Variants in LRRTM4 observed in about 807,000 individuals in gnomAD.
LRRTM4 encodes the protein leucine rich repeat transmembrane neuronal 4, also known as leucine-rich repeat transmembrane neuronal protein 4.
LRRTM4 carries 25 observed loss-of-function variants against 47.6 expected under a neutral mutation model. That is an observed-to-expected ratio of 0.53 (90% confidence interval 0.38 to 0.73). The LOEUF (loss-of-function observed/expected upper bound fraction) is 0.73, where lower values mean the gene tolerates loss of function less well. Ranked by LOEUF, LRRTM4 falls within the 30% of genes least tolerant of loss-of-function variation. The pLI is 0.00. For synonymous variants in LRRTM4, 311 were observed against 269.5 expected (o/e 1.15, Z -1.51); for missense variants, 638 against 713.4 (o/e 0.89, Z 1.20).
intron 3 of LRRTM4, among the ~76,000 whole-genome samples, chr2:77,084,243 G>A (rs1558570169): frequency 6.6e-6 from 1 of 152,180 alleles, no homozygotes; most frequent in Admixed American, 6.5e-5. Context: ...TCATCTTCAA[G>A]TAGTCTTAGA....
At chr2:77,171,836 T>C (rs1673057350) in intron 3 of LRRTM4, among the ~76,000 whole-genome samples, 1 of 152,094 alleles carries the variant, frequency 6.6e-6, no homozygotes, top group Admixed American at 6.6e-5. Flanking sequence ...TAGAATTATG[T>C]CAGCAAAACA....
intron 3 of LRRTM4, among the ~76,000 whole-genome samples, chr2:77,385,803 C>T (rs1300921458): frequency 2.2e-5 from 3 of 136,774 alleles, no homozygotes; most frequent in Non-Finnish European, 4.6e-5. Context: ...GCTGGAGTGC[C>T]GTGGCACGAT....
chr2:77,455,212 A>T (rs1375601066), intron 3 of LRRTM4, among the ~76,000 whole-genome samples: 1 of 152,186 alleles, frequency 6.6e-6, no homozygotes, highest in African/African-American at 2.4e-5. Context: ...TCCCATTTTT[A>T]AATGAAAGTG....
At chr2:77,148,386 C>T (rs1453318803) in intron 3 of LRRTM4, among the ~76,000 whole-genome samples, 1 of 152,110 alleles carries the variant, frequency 6.6e-6, no homozygotes, top group Non-Finnish European at 1.5e-5. Context: ...AACTGCTATA[C>T]TAAGAATGCG....
At chr2:77,260,820 A>G (rs527939419) in intron 3 of LRRTM4, among the ~76,000 whole-genome samples, 1 of 152,142 alleles carries the variant, frequency 6.6e-6, no homozygotes, top group African/African-American at 2.4e-5. Context: ...GAGCCTGATC[A>G]AAATGCAGTT....
rs1676664734 is a variant in LRRTM4, at chr2:76,982,980, T to C, written c.1552-234064A>G. ...AAGTTACAGATAAGTAAATTGAAGATCTGATAGTTATATGATTAATTCAAG... is the reference window on the plus strand; with the variant it reads ...AAGTTACAGATAAGTAAATTGAAGACCTGATAGTTATATGATTAATTCAAG... On this transcript the variant is annotated intron_variant, in intron 3 of 3. Transcript: ENST00000409884. 4.6e-5 allele frequency among the ~76,000 whole-genome samples: 7 copies of C among 152,066 alleles called. No individual in the cohort carries two copies. In the South Asian group the frequency reaches 1.5e-3, roughly 32 times the overall value.
At chr2:77,106,077 C>T (rs559899452) in intron 3 of LRRTM4, among the ~76,000 whole-genome samples, 1 of 152,258 alleles carries the variant, frequency 6.6e-6, no homozygotes, top group East Asian at 1.9e-4. Context: ...TTTTCTCCCA[C>T]TCTCAGCAGG....
At chr2:77,046,893 A>T (rs1679253524) in intron 3 of LRRTM4, among the ~76,000 whole-genome samples, 1 of 152,050 alleles carries the variant, frequency 6.6e-6, no homozygotes, top group Non-Finnish European at 1.5e-5. Context: ...CTTTGGCTGG[A>T]TAAAAGAAAG....
chr2:77,507,674 C>A (rs1678828374), intron 3 of LRRTM4, among the ~76,000 whole-genome samples: 2 of 151,398 alleles, frequency 1.3e-5, no homozygotes, highest in South Asian at 4.2e-4. Flanking sequence ...AGTTAGAATA[C>A]CACACGCCAC....
chr2:77,039,620 G>GA (rs1678957657), intron 3 of LRRTM4, among the ~76,000 whole-genome samples: 1 of 151,030 alleles, frequency 6.6e-6, no homozygotes, highest in Admixed American at 6.6e-5. Flanking sequence ...TTACAATGAT[G>GA]AAAAAAGTAT....
chr2:76,825,028 G>T (rs1469571949), intron 3 of LRRTM4, among the ~76,000 whole-genome samples: 2 of 151,298 alleles, frequency 1.3e-5, no homozygotes, highest in Non-Finnish European at 3.0e-5. Flanking sequence ...AATGTTCTGG[G>T]CAACTTTTTC....
intron 3 of LRRTM4, among the ~76,000 whole-genome samples, chr2:77,073,431 G>C (rs899878949): frequency 2.0e-5 from 3 of 151,820 alleles, no homozygotes; most frequent in African/African-American, 7.3e-5. Flanking sequence ...ATAGGATGAG[G>C]AATTATATAG....
At chr2:77,039,887 CTT>C (rs766443866) in intron 3 of LRRTM4, among the ~76,000 whole-genome samples, 21 of 150,786 alleles carry the variant, frequency 1.4e-4, no homozygotes, top group African/African-American at 2.9e-4. Context: ...CAAAAGGAAA[CTT>C]AGTAATTTTC....
At position 77,498,069 on chromosome 2, in the gene LRRTM4, C is replaced by T. The variant is rs569801892; in HGVS notation, c.1551+20249G>A. 3.1e-4 allele frequency among the ~76,000 whole-genome samples: 47 copies of T among 151,904 alleles called. 1 individual carries two copies. The highest frequency in any genetic ancestry group is 1.2e-3 in the East Asian group (6 of 5,174). On this transcript the variant is annotated intron_variant, in intron 3 of 3. Transcript: ENST00000409884. ...GCTAGTGTTTAAGCCCAGGTCTTTT[C>T]GACTTCAAAATGTTTCTGAAGAGAG...
chr2:77,496,609 T>C (rs1377812661), intron 3 of LRRTM4, among the ~76,000 whole-genome samples: 1 of 151,816 alleles, frequency 6.6e-6, no homozygotes, highest in Non-Finnish European at 1.5e-5. Flanking sequence ...ATGAGTTACA[T>C]TGACTAATAT....
At position 77,225,326 on chromosome 2, in the gene LRRTM4, C is replaced by T. The variant is rs533433046; in HGVS notation, c.1551+292992G>A. On this transcript the variant is annotated intron_variant, in intron 3 of 3. Coordinates refer to ENST00000409884, the MANE Select transcript of LRRTM4 (RefSeq NM_001134745.3). ...CATGTATACATATGTAACAAACCTG[C>T]ACGTTGTGCACATGTACCCTAAAAC... Among the ~76,000 whole-genome samples the T allele has an allele frequency of 2.3e-3, 351 of 150,110 alleles. 15 individuals carry two copies. The South Asian group carries it at 0.07, about 30-fold the overall frequency.
chr2:76,933,208 T>C (rs911350442), intron 3 of LRRTM4, among the ~76,000 whole-genome samples: 20 of 152,066 alleles, frequency 1.3e-4, no homozygotes, highest in Admixed American at 4.6e-4. Context: ...TGTCAAAAAA[T>C]AAATGAGTAA....
chr2:77,097,056 T>G (rs1670831290), intron 3 of LRRTM4, among the ~76,000 whole-genome samples: 1 of 151,864 alleles, frequency 6.6e-6, no homozygotes, highest in Non-Finnish European at 1.5e-5. Flanking sequence ...CATGCCAGGT[T>G]AATACTAATC....
chr2:76,963,871 TTATA>T (rs1310791618), intron 3 of LRRTM4, among the ~76,000 whole-genome samples: 6 of 150,686 alleles, frequency 4.0e-5, no homozygotes, highest in African/African-American at 1.2e-4. Flanking sequence ...ATTACCATAA[TTATA>T]TAATTTTAAA....
Sources: allele counts gnomAD v4.1 joint callset (sites outside exome capture counted in the v4.1 genomes callset), GRCh38; gene constraint gnomAD v4.1.1; transcripts MANE v1.5; gene names NCBI Gene and HGNC (gene_info 2026-07-23, HGNC 2026-07-21).